Variants in OTOGL observed in about 807,000 individuals in gnomAD.
OTOGL encodes otogelin like.
A neutral mutation model predicts 318.5 loss-of-function variants in OTOGL; 285 were observed. The ratio of observed to expected loss-of-function variants is 0.89; its 90% CI spans 0.81 to 0.99. The LOEUF (loss-of-function observed/expected upper bound fraction) is 0.99, where lower values mean the gene tolerates loss of function less well. OTOGL is among the 50% of genes least tolerant of loss of function. OTOGL has a pLI of 0.00. For synonymous variants in OTOGL, 987 were observed against 936.5 expected, an observed-to-expected ratio of 1.05 and a Z score of -0.99; for missense variants, 2,899 against 2,845.6, an observed-to-expected ratio of 1.02 and a Z score of -0.43.
chr12:80,103,257 C>T (rs1371650023), intron 1 of OTOGL: 15 of 1,539,854 alleles, frequency 9.7e-6, no homozygotes, highest in East Asian at 4.5e-5. Context: ...AATCTTCCTT[C>T]GAATGTGGGA....
chr12:80,372,856 T>C (rs1447625353), intron 57 of OTOGL, among the ~76,000 whole-genome samples: 4 of 152,000 alleles, frequency 2.6e-5, no homozygotes, highest in African/African-American at 7.2e-5. Flanking sequence ...GTCCGGCTAA[T>C]TTTTATATTT....
chr12:80,203,405 T>C, intron 1 of OTOGL, among the ~76,000 whole-genome samples: 1 of 152,118 alleles, frequency 6.6e-6, no homozygotes, highest in East Asian at 1.9e-4. Flanking sequence ...CATCTTGAAA[T>C]CCTTAATCAT....
At chr12:80,232,731 A>AT (rs1436332443) in intron 8 of OTOGL, among the ~76,000 whole-genome samples, 161 bp from the exon 9 acceptor site, 1 of 152,198 alleles carries the variant, frequency 6.6e-6, no homozygotes, top group Non-Finnish European at 1.5e-5. Context: ...AAATGTTGAG[A>AT]TTTTCCAGAG....
intron 11 of OTOGL, among the ~76,000 whole-genome samples, chr12:80,244,656 C>G (rs970385592): frequency 6.7e-6 from 1 of 149,894 alleles, no homozygotes; most frequent in African/African-American, 2.5e-5. Context: ...TTTATAGCAG[C>G]ATGATATACC....
rs539742519 is a variant in OTOGL at position 80,128,079 on chromosome 12, G to A, written c.-20+28474G>A. 3.9e-5 allele frequency among the ~76,000 whole-genome samples: 6 copies of A among 152,310 alleles called. No homozygotes were observed. In the South Asian group the frequency reaches 1.2e-3, roughly 32 times the overall value. On this transcript the variant is annotated intron_variant, in intron 1 of 58. Coordinates refer to ENST00000547103, the MANE Select transcript of OTOGL (RefSeq NM_001378609.3). The stretch of plus-strand genomic sequence containing the variant: ...TCCATCCAGCTTTGTTCCGTTGCTG[G>A]TGAGGACCTGTGTTCCTTTGGAGGA...
At chr12:80,310,517 A>T in intron 29 of OTOGL, 94 bp from the exon 30 acceptor site, 1 of 748,752 alleles carries the variant, frequency 1.3e-6, no homozygotes, top group South Asian at 1.8e-5. Context: ...AGAATATATT[A>T]GGCGCAATTG....
chr12:80,320,706 T>G lies in OTOGL; in HGVS notation c.4081+6T>G. 1 of 1,577,674 alleles carries G rather than the reference T, an allele frequency of 6.3e-7. No homozygotes were observed. The highest frequency in any genetic ancestry group is 8.6e-7 in the Non-Finnish European group (1 of 1,163,376). Reference sequence around the variant, plus strand: ...AAGTAGCTTCAGCATAGAAGGTATGTTTCCTGAGATCTCCAAAAAGAGAAC... The same window carrying G: ...AAGTAGCTTCAGCATAGAAGGTATGGTTCCTGAGATCTCCAAAAAGAGAAC... On this transcript the variant is annotated splice_donor_region_variant and intron_variant, in intron 34 of 58. Transcript: ENST00000547103.
intron 1 of OTOGL, among the ~76,000 whole-genome samples, chr12:80,149,411 G>C (rs1872624343): frequency 6.6e-6 from 1 of 152,208 alleles, no homozygotes; most frequent in South Asian, 2.1e-4. Flanking sequence ...CACTTGAGGA[G>C]GCAGTCTGCC....
At chr12:80,131,727 A>G (rs1871253230) in intron 1 of OTOGL, 1 of 152,230 alleles carries the variant, frequency 6.6e-6, no homozygotes, top group South Asian at 2.1e-4. Flanking sequence ...TCATTGATTT[A>G]GATACATTAG....
At chr12:80,365,098 T>C (rs1265332239) in intron 52 of OTOGL, among the ~76,000 whole-genome samples, 2 of 152,084 alleles carry the variant, frequency 1.3e-5, no homozygotes, top group African/African-American at 4.8e-5. Context: ...CCTTGGCTAT[T>C]ACTCAGAAAG....
At chr12:80,161,327 A>C (rs539037786) in intron 1 of OTOGL, among the ~76,000 whole-genome samples, 7 of 152,260 alleles carry the variant, frequency 4.6e-5, no homozygotes, top group Non-Finnish European at 1.0e-4. Flanking sequence ...AGGAGGAGAT[A>C]AATGAGAATA....
chr12:80,320,527 T>C lies in OTOGL; in HGVS notation c.3908T>C (p.Phe1303Ser). The C allele has an allele frequency of 6.2e-7, 1 of 1,613,672 alleles. No individual in the cohort carries two copies. The highest frequency in any genetic ancestry group is 1.1e-5 in the South Asian group (1 of 91,070). ...GAGCTGTGGGAGGCGAATTCAGCCT[T>C]TCATCGGAGAGCAACATTTTTCCAC... ...SLELWEANSA[F>S]HRRATFFHHQ... The change falls in exon 34 of 59, where the codon TTT (phenylalanine) becomes TCT (serine). Residue 1303 changes from phenylalanine to serine, a missense_variant. By Grantham distance (155) the Phe-to-Ser change is radical (BLOSUM62 -2). This residue lies in a region of OTOGL where 2,607 missense variants were observed against 2,524.9 expected (regional missense o/e 1.03). Coordinates refer to ENST00000547103, the MANE Select transcript of OTOGL (RefSeq NM_001378609.3).
intron 1 of OTOGL, among the ~76,000 whole-genome samples, chr12:80,192,623 T>C (rs1875773920): frequency 6.6e-6 from 1 of 152,234 alleles, no homozygotes; most frequent in African/African-American, 2.4e-5. Context: ...ACTGCCACTC[T>C]GGTCACTAAA....
chr12:80,172,560 T>G (rs1434525254), intron 1 of OTOGL, among the ~76,000 whole-genome samples: 1 of 152,106 alleles, frequency 6.6e-6, no homozygotes, highest in Admixed American at 6.6e-5. Context: ...CGGGATTGCC[T>G]CCTACAATTG....
chr12:80,234,180 AG>A (rs1879634543), intron 9 of OTOGL, among the ~76,000 whole-genome samples: 1 of 152,126 alleles, frequency 6.6e-6, no homozygotes, highest in Admixed American at 6.6e-5. Flanking sequence ...CAGCCTCTCA[AG>A]TAGCTGGGAC....
At chr12:80,148,472 T>C (rs1356171605) in intron 1 of OTOGL, among the ~76,000 whole-genome samples, 7 of 149,842 alleles carry the variant, frequency 4.7e-5, no homozygotes, top group South Asian at 4.3e-4. Context: ...CCTTTCTCTC[T>C]GGCTGCCCTT....
chr12:80,109,145 A>C lies in OTOGL; in HGVS notation c.-20+9540A>C, dbSNP rs577097283. 1.6e-4 allele frequency among the ~76,000 whole-genome samples: 25 copies of C among 151,860 alleles called. No individual in the cohort carries two copies. In the South Asian group the frequency reaches 5.2e-3, roughly 32 times the overall value. ...TTATGCCCCAACTTTAGAATCATTA[A>C]TTTCTTTAAGAAGACTGAGTATGGA... is the stretch of plus-strand genomic sequence containing the variant. On this transcript the variant is annotated intron_variant, in intron 1 of 58. Transcript: ENST00000547103.
intron 1 of OTOGL, among the ~76,000 whole-genome samples, chr12:80,152,308 T>C (rs1274705953): frequency 6.6e-6 from 1 of 152,156 alleles, no homozygotes; most frequent in East Asian, 1.9e-4. Flanking sequence ...AGTAGCACTG[T>C]TCAATGAGTT....
intron 25 of OTOGL, 101 bp from the exon 26 acceptor site, chr12:80,278,927 C>T: frequency 7.4e-7 from 1 of 1,348,204 alleles, no homozygotes; most frequent in South Asian, 1.2e-5. Flanking sequence ...GATATTGACT[C>T]ATGAATTCTC....
Sources: allele counts gnomAD v4.1 joint callset (sites outside exome capture counted in the v4.1 genomes callset), GRCh38; gene constraint gnomAD v4.1.1; regional missense constraint gnomAD v4.1.1; transcripts MANE v1.5; gene names NCBI Gene and HGNC (gene_info 2026-07-23, HGNC 2026-07-21).